Variants in CNBD1 observed in about 807,000 individuals in gnomAD.
CNBD1 encodes the protein cyclic nucleotide binding domain containing 1, also known as cyclic nucleotide-binding domain-containing protein 1.
A neutral mutation model predicts 54.4 loss-of-function variants in CNBD1; 71 were observed. The observed-to-expected ratio is 1.30, with a 90% CI of 1.08 to 1.59. The LOEUF is 1.59. Among genes scored for constraint, CNBD1 ranks in the 40% most tolerant of loss-of-function variants. The pLI, the probability that CNBD1 is intolerant of heterozygous loss-of-function variation, is 0.00. For synonymous variants in CNBD1, 182 were observed against 170.7 expected (o/e 1.07, Z -0.51); for missense variants, 659 against 518.0 (o/e 1.27, Z -2.64).
intron 6 of CNBD1, among the ~76,000 whole-genome samples, chr8:87,270,711 A>C (rs1008415964): frequency 2.0e-5 from 3 of 151,688 alleles, no homozygotes; most frequent in African/African-American, 7.3e-5. Flanking sequence ...TTATTTATTT[A>C]TTTTTTTGGC....
chr8:87,109,461 C>CATTAT (rs1415910831), intron 4 of CNBD1, among the ~76,000 whole-genome samples: 1 of 151,480 alleles, frequency 6.6e-6, no homozygotes, highest in Non-Finnish European at 1.5e-5. Context: ...TAACTATTAT[C>CATTAT]ATTATATAGA....
At chr8:87,171,632 TTTTC>T (rs1813088887) in intron 4 of CNBD1, among the ~76,000 whole-genome samples, 1 of 151,840 alleles carries the variant, frequency 6.6e-6, no homozygotes, top group Non-Finnish European at 1.5e-5. Flanking sequence ...TTCTTTTTCT[TTTTC>T]TTTCTTTTTT....
At position 87,393,088 on chromosome 8, in the gene CNBD1, T is replaced by C. The variant is rs773079757; in HGVS notation, c.214-35458T>C. On this transcript the variant is annotated intron_variant, in intron 2 of 7. Transcript: ENST00000521593. ...GAATTATAAATATGAGGATGTCATT[T>C]ACTGGAATCTAAAAGATTGAAAGTA... Among the ~76,000 whole-genome samples, 88 of 151,956 alleles carry C rather than the reference T, an allele frequency of 5.8e-4. 1 individual carries two copies. Among genetic ancestry groups the C allele is most frequent in the Non-Finnish European group, 1.8e-4 (12 of 67,928 alleles).
intron 2 of CNBD1, among the ~76,000 whole-genome samples, chr8:86,899,258 G>T (rs1281368621): frequency 2.0e-5 from 3 of 152,002 alleles, no homozygotes. Flanking sequence ...TATACGATAT[G>T]AGGATTATAG....
chr8:87,139,276 A>G (rs765143415), intron 4 of CNBD1, among the ~76,000 whole-genome samples: 1 of 152,256 alleles, frequency 6.6e-6, no homozygotes, highest in Non-Finnish European at 1.5e-5. Context: ...TTACATCACA[A>G]AAATAGATAA....
intron 8 of CNBD1, among the ~76,000 whole-genome samples, chr8:87,293,418 C>T (rs1459370803): frequency 6.6e-6 from 1 of 152,058 alleles, no homozygotes; most frequent in Non-Finnish European, 1.5e-5. Flanking sequence ...GTGGCAGGCG[C>T]TTGTAATCCC....
At chr8:87,207,620 T>C (rs1814004248) in intron 5 of CNBD1, among the ~76,000 whole-genome samples, 1 of 152,152 alleles carries the variant, frequency 6.6e-6, no homozygotes, top group Admixed American at 6.5e-5. Flanking sequence ...TCTACATATA[T>C]TTGAGTTGGT....
chr8:86,909,296 G>A lies in CNBD1; in HGVS notation c.272+4102G>A, dbSNP rs569811097. ...TTTTATGTAAATAGGGAGCCCTTTT[G>A]CTTTCCACATATTCTATGCTTATTT... On this transcript the variant is annotated intron_variant, in intron 3 of 10. Coordinates refer to ENST00000518476, the MANE Select transcript of CNBD1 (RefSeq NM_173538.3). Among the ~76,000 whole-genome samples the A allele has an allele frequency of 1.1e-4, 16 of 152,182 alleles. No homozygotes were observed. In the South Asian group the frequency reaches 1.5e-3, roughly 14 times the overall value.
chr8:87,093,707 C>T (rs551308856), intron 4 of CNBD1, among the ~76,000 whole-genome samples: 1 of 152,218 alleles, frequency 6.6e-6, no homozygotes, highest in African/African-American at 2.4e-5. Context: ...GATTCAGTTC[C>T]AGTAATTATT....
intron 2 of CNBD1, among the ~76,000 whole-genome samples, chr8:86,888,081 T>G (rs1036963582): frequency 2.6e-5 from 4 of 152,146 alleles, no homozygotes; most frequent in Admixed American, 2.6e-4. Flanking sequence ...TTCTCCAAGT[T>G]GGGTTTTTGG....
chr8:87,337,213 C>T (rs1379202149), intron 8 of CNBD1, among the ~76,000 whole-genome samples: 1 of 152,168 alleles, frequency 6.6e-6, no homozygotes, highest in African/African-American at 2.4e-5. Flanking sequence ...TAACAAGGCA[C>T]TTTGGCTGTC....
At chr8:87,275,677 C>G (rs932301958) in intron 6 of CNBD1, among the ~76,000 whole-genome samples, 1 of 151,594 alleles carries the variant, frequency 6.6e-6, no homozygotes, top group Non-Finnish European at 1.5e-5. Flanking sequence ...CAGGGATGCC[C>G]TCTCTCACCA....
intron 6 of CNBD1, among the ~76,000 whole-genome samples, chr8:87,249,630 T>C (rs1807873953): frequency 6.6e-6 from 1 of 152,136 alleles, no homozygotes; most frequent in East Asian, 1.9e-4. Flanking sequence ...TCAATTAAGA[T>C]TCAGTCCCAA....
chr8:87,411,677 A>G (rs1754763588), intron 2 of CNBD1, among the ~76,000 whole-genome samples: 1 of 149,380 alleles, frequency 6.7e-6, no homozygotes, highest in African/African-American at 2.4e-5. Flanking sequence ...TTTTACAACC[A>G]TTACTATAAT....
At chr8:87,403,795 C>T (rs903076398) in intron 2 of CNBD1, among the ~76,000 whole-genome samples, 1 of 151,698 alleles carries the variant, frequency 6.6e-6, no homozygotes, top group African/African-American at 2.4e-5. Context: ...TTTTTATATG[C>T]TTCAACACAA....
chr8:87,296,985 C>G (rs970149286), intron 8 of CNBD1, among the ~76,000 whole-genome samples: 2 of 151,708 alleles, frequency 1.3e-5, no homozygotes, highest in African/African-American at 4.8e-5. Context: ...GCCATCCTAG[C>G]TAACATGGTG....
intron 8 of CNBD1, among the ~76,000 whole-genome samples, chr8:87,300,165 T>A (rs1486138749): frequency 6.6e-6 from 1 of 152,150 alleles, no homozygotes; most frequent in Non-Finnish European, 1.5e-5. Context: ...AAACTCAATA[T>A]TATAGTTTTA....
At chr8:87,250,993 A>G (rs529675090) in intron 6 of CNBD1, among the ~76,000 whole-genome samples, 1 of 149,782 alleles carries the variant, frequency 6.7e-6, no homozygotes, top group East Asian at 1.9e-4. Context: ...AATGTTCCTA[A>G]CACAAAGAAA....
intron 4 of CNBD1, among the ~76,000 whole-genome samples, chr8:87,037,536 C>CT: frequency 6.6e-6 from 1 of 152,054 alleles, no homozygotes; most frequent in East Asian, 1.9e-4. Context: ...CCAGTTTATC[C>CT]TTTTTTGGTT....
Sources: allele counts gnomAD v4.1 joint callset (sites outside exome capture counted in the v4.1 genomes callset), GRCh38; gene constraint gnomAD v4.1.1; transcripts MANE v1.5; gene names NCBI Gene and HGNC (gene_info 2026-07-23, HGNC 2026-07-21).